Variants in ST6GAL1 observed in about 807,000 individuals in gnomAD.
ST6GAL1 encodes the protein beta-galactoside alpha-2,6-sialyltransferase 1.
In ST6GAL1, 20 loss-of-function variants were observed where a neutral mutation model predicts 38.0. That is an observed-to-expected ratio of 0.53 (90% CI 0.37 to 0.77). ST6GAL1 has a LOEUF of 0.77. ST6GAL1 is among the 30% of genes least tolerant of loss of function. ST6GAL1 has a pLI of 0.00. For synonymous variants in ST6GAL1, 196 were observed against 188.2 expected (o/e 1.04, Z -0.34); for missense variants, 432 against 496.4 (o/e 0.87, Z 1.23).
chr3:187,041,554 T>G (rs1307837198), intron 3 of ST6GAL1, among the ~76,000 whole-genome samples: 1 of 152,184 alleles, frequency 6.6e-6, no homozygotes, highest in Non-Finnish European at 1.5e-5. Context: ...GACTATTCAG[T>G]CTCTATTTGC....
At chr3:186,954,625 C>T (rs1714687514) in intron 1 of ST6GAL1, among the ~76,000 whole-genome samples, 1 of 150,810 alleles carries the variant, frequency 6.6e-6, no homozygotes, top group Admixed American at 6.6e-5. Flanking sequence ...ACATAAATGT[C>T]TTATTTTGAG....
intron 2 of ST6GAL1, chr3:186,964,486 ATATAT>A (rs2108527570): frequency 6.6e-6 from 1 of 152,332 alleles, no homozygotes; most frequent in Admixed American, 6.5e-5. Flanking sequence ...AGAAAATACA[ATATAT>A]CTGAAACCCT....
intron 5 of ST6GAL1, among the ~76,000 whole-genome samples, chr3:187,057,271 TTTG>T (rs1718737529): frequency 6.6e-6 from 1 of 152,142 alleles, no homozygotes; most frequent in Non-Finnish European, 1.5e-5. Flanking sequence ...CTTGGAGAAG[TTTG>T]TTATTACTGA....
chr3:186,989,904 T>G (rs1011494763), intron 2 of ST6GAL1, among the ~76,000 whole-genome samples: 3 of 152,176 alleles, frequency 2.0e-5, no homozygotes, highest in African/African-American at 7.2e-5. Flanking sequence ...TCAACACTCT[T>G]ACTTCACAGG....
At chr3:186,932,145 G>A (rs899211031) in intron 1 of ST6GAL1, among the ~76,000 whole-genome samples, 9 of 152,218 alleles carry the variant, frequency 5.9e-5, no homozygotes, top group African/African-American at 2.2e-4. Flanking sequence ...CTGTCCCCGG[G>A]GGGGGAACTG....
At chr3:187,073,056 C>T (rs1719441332) in intron 6 of ST6GAL1, 109 bp downstream of exon 6, 2 of 851,754 alleles carry the variant, frequency 2.3e-6, no homozygotes, top group Non-Finnish European at 3.8e-6. Context: ...TTCCTAAAGG[C>T]TGGGTATTTG....
chr3:187,076,861 A>G lies in ST6GAL1; in HGVS notation c.*1058A>G. 1 of 398,920 alleles carries G rather than the reference A, an allele frequency of 2.5e-6. No homozygotes were observed. Among genetic ancestry groups the G allele is most frequent in the East Asian group, 3.6e-5 (1 of 28,056 alleles). 24.7% of individuals were successfully genotyped at this position (398,920 alleles called of 1,614,324 possible). A position where few individuals can be genotyped will look rare whatever the true frequency, so the allele number is the denominator to read the frequency against. On this transcript the variant is annotated 3_prime_UTR_variant, in exon 8 of 8. Coordinates refer to ENST00000169298, the MANE Select transcript of ST6GAL1 (RefSeq NM_173216.2). ...ATACCAGGCAATCCAGAGCCACAAAACGTGATTCCTCCAGGCTCTGCCTGG... is the reference window on the plus strand; with the variant it reads ...ATACCAGGCAATCCAGAGCCACAAAGCGTGATTCCTCCAGGCTCTGCCTGG...
At chr3:187,044,929 T>C (rs1718245160) in intron 4 of ST6GAL1, among the ~76,000 whole-genome samples, 1 of 152,250 alleles carries the variant, frequency 6.6e-6, no homozygotes, top group Admixed American at 6.5e-5. Context: ...AATGTTCTGC[T>C]GTTATGGGGT....
chr3:187,059,069 GGGCACTCCAGAAAGTGGAATT>G (rs960886184), intron 5 of ST6GAL1, among the ~76,000 whole-genome samples: 4 of 152,060 alleles, frequency 2.6e-5, no homozygotes, highest in African/African-American at 9.7e-5. Context: ...AGCAATAGCC[GGGCACTCCAGAAAGTGGAATT>G]GGCAAGACAG....
intron 2 of ST6GAL1, among the ~76,000 whole-genome samples, chr3:187,024,242 T>C (rs886290785): frequency 2.6e-5 from 4 of 151,622 alleles, no homozygotes; most frequent in Non-Finnish European, 5.9e-5. Flanking sequence ...TACAGGTGCA[T>C]GCCTCCACGC....
intron 2 of ST6GAL1, among the ~76,000 whole-genome samples, chr3:186,980,719 G>A (rs1291413721): frequency 2.7e-5 from 4 of 148,092 alleles, no homozygotes; most frequent in Non-Finnish European, 4.4e-5. Context: ...AGGTTGCAGT[G>A]AGGATCACCC....
intron 2 of ST6GAL1, among the ~76,000 whole-genome samples, chr3:187,009,718 C>T (rs1716895300): frequency 6.6e-6 from 1 of 152,130 alleles, no homozygotes; most frequent in Admixed American, 6.6e-5. Flanking sequence ...AATCGTGACC[C>T]ATTGTGGCTG....
intron 2 of ST6GAL1, among the ~76,000 whole-genome samples, chr3:187,014,212 T>C (rs1331503544): frequency 6.6e-6 from 1 of 152,226 alleles, no homozygotes. Context: ...TGTCATGTAA[T>C]TTGCCTAAAA....
intron 2 of ST6GAL1, among the ~76,000 whole-genome samples, chr3:186,975,682 C>A (rs767675568): frequency 6.6e-6 from 1 of 152,108 alleles, no homozygotes; most frequent in Non-Finnish European, 1.5e-5. Context: ...GAGGATCCAG[C>A]GAAAGAGATG....
intron 1 of ST6GAL1, among the ~76,000 whole-genome samples, chr3:186,942,998 G>A (rs1282761438): frequency 6.6e-6 from 1 of 152,126 alleles, no homozygotes; most frequent in African/African-American, 2.4e-5. Flanking sequence ...CCACTGTGCC[G>A]GGACTGCAGT....
intron 1 of ST6GAL1, among the ~76,000 whole-genome samples, chr3:186,937,186 A>G (rs35403835): frequency 0.43 from 65,852 of 151,748 alleles, 14,819 homozygotes; most frequent in African/African-American, 0.57. Flanking sequence ...TATACATTTC[A>G]TGGTTAACAT....
intron 1 of ST6GAL1, among the ~76,000 whole-genome samples, chr3:186,948,528 A>AGTGTGTGTGTGTGT (rs36234165): frequency 1.8e-4 from 27 of 146,238 alleles, no homozygotes; most frequent in Admixed American, 1.7e-3. Flanking sequence ...CAGAAACTCT[A>AGTGTGTGTGTGTGT]GTGTGTGTGT....
intron 2 of ST6GAL1, among the ~76,000 whole-genome samples, chr3:186,966,249 A>G (rs1715109680): frequency 6.6e-6 from 1 of 152,098 alleles, no homozygotes; most frequent in South Asian, 2.1e-4. Flanking sequence ...TGACAAAGGG[A>G]AGGAAGGGAA....
At chr3:187,051,180 C>A in intron 4 of ST6GAL1, 69 bp from the exon 5 acceptor site, 1 of 1,396,576 alleles carries the variant, frequency 7.2e-7, no homozygotes, top group East Asian at 2.3e-5. Context: ...TCCCCCGCCT[C>A]TCGTCTTTCT....
Sources: gnomAD v4.1 joint callset for allele counts (sites outside exome capture counted in the v4.1 genomes callset) on GRCh38, gnomAD v4.1.1 for gene constraint, MANE v1.5 for transcripts, NCBI Gene and HGNC (gene_info 2026-07-23, HGNC 2026-07-21) for gene names.